ARHGEF4: variants seen among roughly 807,000 people sequenced by gnomAD.
ARHGEF4 encodes the protein APC-stimulated guanine nucleotide exchange factor 1.
In ARHGEF4, 119 loss-of-function variants were observed where a neutral mutation model predicts 162.0. That is an observed-to-expected ratio of 0.73 (90% CI 0.63 to 0.86). The LOEUF is 0.86. ARHGEF4 is among the 40% of genes least tolerant of loss of function. The pLI is 0.00. For missense variants in ARHGEF4, 2,488 were observed against 2,456.0 expected (o/e 1.01, Z -0.28); for synonymous variants, 1,014 against 979.9 (o/e 1.03, Z -0.65).
At chr2:130,954,940 T>G (rs938674938) in intron 4 of ARHGEF4, among the ~76,000 whole-genome samples, 1 of 150,570 alleles carries the variant, frequency 6.6e-6, no homozygotes, top group Non-Finnish European at 1.5e-5. Flanking sequence ...AATAGTGTCC[T>G]ACACTTCTCT....
rs888197346 is a variant in ARHGEF4, at chr2:130,941,014, C to T, written c.3859-5495C>T. Among the ~76,000 whole-genome samples, 7 of 151,734 alleles carry T rather than the reference C, an allele frequency of 4.6e-5. No individual in the cohort carries two copies. The South Asian group carries it at 1.3e-3, about 27-fold the overall frequency. ...ACTTTATTCTATAAGCAGGAGGCAG[C>T]CTTTTATGATTTTTAACATAAAAAT... On this transcript the variant is annotated intron_variant, in intron 3 of 13. Coordinates refer to ENST00000409359, the MANE Select transcript of ARHGEF4 (RefSeq NM_001367493.1).
chr2:130,988,893 TATATATATAGAGAGAGAGAG>T (rs1224979150), intron 4 of ARHGEF4, among the ~76,000 whole-genome samples: 32 of 113,262 alleles, frequency 2.8e-4, no homozygotes, highest in Non-Finnish European at 4.3e-4. Context: ...TATATATATA[TATATATATAGAGAGAGAGAG>T]AGAGAGAGAG....
intron 1 of ARHGEF4, among the ~76,000 whole-genome samples, chr2:130,891,471 T>C (rs1158774035): frequency 6.6e-6 from 1 of 152,226 alleles, no homozygotes; most frequent in Non-Finnish European, 1.5e-5. Flanking sequence ...ACAGCTACTC[T>C]ACTCTGCCAT....
chr2:130,864,134 C>T (rs13006953), intron 1 of ARHGEF4, among the ~76,000 whole-genome samples: 19,269 of 150,894 alleles, frequency 0.13, 1,339 homozygotes, highest in South Asian at 0.22. Flanking sequence ...TGCAGTGAGC[C>T]GAGATTGCAC....
At chr2:130,885,564 C>CTTTTTTTTTT (rs961513941) in intron 1 of ARHGEF4, among the ~76,000 whole-genome samples, 1 of 100,382 alleles carries the variant, frequency 1.0e-5, no homozygotes, top group Non-Finnish European at 1.9e-5. Flanking sequence ...TTTTCTTATT[C>CTTTTTTTTTT]TTTTTTTTTT....
intron 4 of ARHGEF4, among the ~76,000 whole-genome samples, chr2:130,978,492 T>C (rs1218045295): frequency 1.3e-5 from 2 of 152,096 alleles, no homozygotes; most frequent in African/African-American, 2.4e-5. Flanking sequence ...CCATATAGAT[T>C]CCCAAGTTGG....
Position 130,956,495 on chromosome 2 carries a change from A to G in ARHGEF4, c.3985+9860A>G, listed in dbSNP as rs551584442. On this transcript the variant is annotated intron_variant, in intron 4 of 13. Transcript: ENST00000409359. ...GTATACACCCAAAGGACTATAAATC[A>G]TGCTGCTATAAAGACACATGCACAC... 2.0e-5 allele frequency among the ~76,000 whole-genome samples: 3 copies of G among 151,728 alleles called. No homozygotes were observed. The East Asian group carries it at 5.8e-4, about 29-fold the overall frequency.
chr2:130,975,688 T>C (rs1198810081), intron 4 of ARHGEF4, among the ~76,000 whole-genome samples: 1 of 152,200 alleles, frequency 6.6e-6, no homozygotes, highest in Non-Finnish European at 1.5e-5. Context: ...TAAGTAAAAC[T>C]GGAAGAACTG....
chr2:130,927,636 G>A (rs1387708777), intron 2 of ARHGEF4, among the ~76,000 whole-genome samples: 1 of 152,176 alleles, frequency 6.6e-6, no homozygotes, highest in Non-Finnish European at 1.5e-5. Flanking sequence ...TTTCTGTCTG[G>A]ACCTAGTGAC....
chr2:130,958,025 A>AG (rs1558768643), intron 4 of ARHGEF4, among the ~76,000 whole-genome samples: 1 of 151,706 alleles, frequency 6.6e-6, no homozygotes, highest in Non-Finnish European at 1.5e-5. Flanking sequence ...CAAAAAAAAA[A>AG]AAGAAAGAAG....
chr2:130,956,140 T>C (rs912621709), intron 4 of ARHGEF4, among the ~76,000 whole-genome samples: 9 of 152,194 alleles, frequency 5.9e-5, no homozygotes, highest in African/African-American at 2.2e-4. Context: ...AGTCTGCCCC[T>C]ACTGGGGGGT....
chr2:130,869,839 C>T (rs190826511), intron 1 of ARHGEF4, among the ~76,000 whole-genome samples: 11 of 152,284 alleles, frequency 7.2e-5, no homozygotes, highest in Admixed American at 3.3e-4. Flanking sequence ...TTTGTGTTTT[C>T]GGTGTTAAGC....
At chr2:130,943,339 T>C (rs562754718) in intron 3 of ARHGEF4, among the ~76,000 whole-genome samples, 7 of 152,246 alleles carry the variant, frequency 4.6e-5, no homozygotes, top group African/African-American at 1.4e-4. Context: ...GCCTTTATCA[T>C]TATTTTGAAA....
intron 1 of ARHGEF4, among the ~76,000 whole-genome samples, chr2:130,853,420 G>A (rs559110128): frequency 1.3e-5 from 2 of 152,288 alleles, no homozygotes; most frequent in African/African-American, 4.8e-5. Context: ...TCTAGACAAG[G>A]CATCTCGTGC....
intron 1 of ARHGEF4, among the ~76,000 whole-genome samples, chr2:130,907,407 A>AT (rs1680893650): frequency 6.6e-6 from 1 of 151,142 alleles, no homozygotes; most frequent in Non-Finnish European, 1.5e-5. Flanking sequence ...TTTAGTAGAG[A>AT]CGGGTTTCAC....
In ARHGEF4 at chr2:130,917,381, C is replaced by T; in HGVS notation, c.3435C>T (p.Phe1145=). 2 of 1,550,626 alleles carry T rather than the reference C, an allele frequency of 1.3e-6. No individual in the cohort carries two copies. Among genetic ancestry groups the T allele is most frequent in the Admixed American group, 2.0e-5 (1 of 51,008 alleles). ...AGATTCCCAAGGGCCAGACCAGTTT[C>T]CTGCTTTCTCTGCAGACGCTAAACC... ...RPKIPKGQTS[F]LLSLQTLNQD... The change falls in exon 2 of 14, where the codon TTC becomes TTT. Residue 1145 remains phenylalanine (F), a synonymous_variant. Coordinates refer to ENST00000409359, the MANE Select transcript of ARHGEF4 (RefSeq NM_001367493.1).
chr2:131,032,889 G>A (rs1375491369), intron 5 of ARHGEF4, among the ~76,000 whole-genome samples: 1 of 120,600 alleles, frequency 8.3e-6, no homozygotes, highest in Non-Finnish European at 1.6e-5. Flanking sequence ...GTCTCACTCT[G>A]TCACCCAGGC....
intron 4 of ARHGEF4, among the ~76,000 whole-genome samples, chr2:130,996,627 G>A (rs1687410555): frequency 6.6e-6 from 1 of 152,152 alleles, no homozygotes; most frequent in Admixed American, 6.5e-5. Flanking sequence ...ATGTCCCATT[G>A]TAAACTGTGT....
intron 4 of ARHGEF4, among the ~76,000 whole-genome samples, chr2:131,001,655 G>GAT (rs1687776684): frequency 6.6e-6 from 1 of 152,078 alleles, no homozygotes; most frequent in African/African-American, 2.4e-5. Flanking sequence ...ATGTATCCTA[G>GAT]ATAAACTCTT....
Sources: allele counts gnomAD v4.1 joint callset (sites outside exome capture counted in the v4.1 genomes callset), GRCh38; gene constraint gnomAD v4.1.1; transcripts MANE v1.5; gene names NCBI Gene and HGNC (gene_info 2026-07-23, HGNC 2026-07-21).